Variants in VPS8 observed in about 807,000 individuals in gnomAD.
VPS8 encodes VPS8 subunit of CORVET complex.
VPS8 carries 129 observed loss-of-function variants against 216.4 expected under a neutral mutation model. The ratio of observed to expected loss-of-function variants is 0.60; its 90% confidence interval spans 0.52 to 0.69. VPS8 has a LOEUF of 0.69. Among genes scored for constraint, VPS8 ranks in the 30% least tolerant of loss-of-function variants. The pLI is 0.00. For missense variants in VPS8, 1,531 were observed against 1,683.5 expected, an observed-to-expected ratio of 0.91 and a Z score of 1.59; for synonymous variants, 571 against 565.4, an observed-to-expected ratio of 1.01 and a Z score of -0.14.
intron 5 of VPS8, 171 bp downstream of exon 5, chr3:184,834,913 C>T (rs930171842): frequency 2.6e-5 from 13 of 498,894 alleles, no homozygotes; most frequent in Admixed American, 1.1e-4. Context: ...CATGGCTACA[C>T]GTCTTGACAG....
chr3:184,959,094 G>A (rs1746077492), intron 37 of VPS8, among the ~76,000 whole-genome samples: 1 of 152,150 alleles, frequency 6.6e-6, no homozygotes, highest in Non-Finnish European at 1.5e-5. Context: ...TTTACCTGTA[G>A]TACCTGGGTA....
At chr3:185,001,249 TC>T (rs1753382782) in intron 45 of VPS8, among the ~76,000 whole-genome samples, 1 of 152,126 alleles carries the variant, frequency 6.6e-6, no homozygotes. Context: ...AAGGGTTCAG[TC>T]CCACACGAAC....
At chr3:185,003,926 G>C (rs1035492513) in intron 45 of VPS8, among the ~76,000 whole-genome samples, 2 of 151,032 alleles carry the variant, frequency 1.3e-5, no homozygotes, top group Non-Finnish European at 2.9e-5. Flanking sequence ...AGACGGGGTG[G>C]CGGGGCAGAG....
intron 7 of VPS8, among the ~76,000 whole-genome samples, chr3:184,841,769 C>T (rs937533441): frequency 6.6e-6 from 1 of 152,096 alleles, no homozygotes; most frequent in Non-Finnish European, 1.5e-5. Context: ...GTTCAGTCCC[C>T]TTATTTTACA....
chr3:185,044,012 A>G (rs1404839888), intron 46 of VPS8, among the ~76,000 whole-genome samples: 1 of 152,136 alleles, frequency 6.6e-6, no homozygotes, highest in East Asian at 1.9e-4. Flanking sequence ...TAATATGATG[A>G]AACCCCGTCT....
rs71632042 is a variant in VPS8 at position 185,034,609 on chromosome 3, T to TTTGTTGTTGTTGTTG, written c.4056+10241_4056+10255dup. On this transcript the variant is annotated intron_variant, in intron 46 of 47. Coordinates refer to ENST00000625842, the MANE Select transcript of VPS8 (RefSeq NM_001009921.3). ...ATTGTCTGTTTGCTTCGTTGATAGTTTTGTTGTTGTTGTTGTTGTTGTTGT... is the reference window on the plus strand; with the variant it reads ...ATTGTCTGTTTGCTTCGTTGATAGTTTTGTTGTTGTTGTTGTTGTTGTTGTTGTTGTTGTTGTTGT... Among the ~76,000 whole-genome samples, 12 of 145,546 alleles carry TTTGTTGTTGTTGTTG rather than the reference T, an allele frequency of 8.2e-5. No homozygotes were observed. In the East Asian group the frequency reaches 2.6e-3, roughly 31 times the overall value.
chr3:184,832,810 A>C lies in VPS8; in HGVS notation c.344A>C (p.Asn115Thr). ...AGCTCAGATAGTGGTGACAGGACCA[A>C]CTTAAAAAGGTAGGTATTCATGTCA... ...VASSDSGDRT[N>T]LKRKKKLPDS... The change falls in exon 4 of 48, where the codon AAC becomes ACC. Residue 115 changes from asparagine (N) to threonine (T), a missense_variant. By Grantham distance (65) the Asn-to-Thr change is moderately conservative. Around this residue, in one of 3 missense-constraint regions of VPS8, gnomAD observed 199 missense variants for 182.2 expected, o/e 1.09. Coordinates refer to ENST00000625842, the MANE Select transcript of VPS8 (RefSeq NM_001009921.3). 6.2e-7 allele frequency: 1 copy of C among 1,608,172 alleles called. No homozygotes were observed. Among genetic ancestry groups the C allele is most frequent in the Middle Eastern group, 1.7e-4 (1 of 6,030 alleles).
At chr3:184,991,197 G>GA (rs1751853425) in intron 42 of VPS8, among the ~76,000 whole-genome samples, 1 of 151,982 alleles carries the variant, frequency 6.6e-6, no homozygotes, top group African/African-American at 2.4e-5. Context: ...AAAGCAATAG[G>GA]AAAAAAACAT....
At chr3:184,952,166 T>C (rs1744808366) in intron 36 of VPS8, among the ~76,000 whole-genome samples, 1 of 152,232 alleles carries the variant, frequency 6.6e-6, no homozygotes, top group African/African-American at 2.4e-5. Context: ...GAAAACACAC[T>C]GGCTCATCTG....
At chr3:184,820,932 C>G (rs1717446848) in intron 1 of VPS8, among the ~76,000 whole-genome samples, 1 of 152,150 alleles carries the variant, frequency 6.6e-6, no homozygotes, top group South Asian at 2.1e-4. Flanking sequence ...AGACAAAACC[C>G]CTATCATTCA....
rs1743413475 is a variant in VPS8, at chr3:184,944,956, A to G, written c.3035+4713A>G. 3.3e-5 allele frequency among the ~76,000 whole-genome samples: 5 copies of G among 152,258 alleles called. No homozygotes were observed. In the South Asian group the frequency reaches 1.0e-3, roughly 32 times the overall value. On this transcript the variant is annotated intron_variant, in intron 36 of 47. Transcript: ENST00000625842. The stretch of plus-strand genomic sequence containing the variant: ...TTAAAATACAAAATTAGGAGATTAT[A>G]TATGTTCATGAACTTTGACATATTA...
chr3:184,818,620 C>T (rs1354685216), intron 1 of VPS8, among the ~76,000 whole-genome samples: 1 of 151,176 alleles, frequency 6.6e-6, no homozygotes, highest in Non-Finnish European at 1.5e-5. Flanking sequence ...CAAAGCAAAC[C>T]ACAAAACAAA....
chr3:184,916,754 G>A (rs940060825), intron 28 of VPS8, among the ~76,000 whole-genome samples: 3 of 152,130 alleles, frequency 2.0e-5, no homozygotes, highest in African/African-American at 7.2e-5. Context: ...GAAACAAGAA[G>A]TGATGGAGGA....
intron 45 of VPS8, among the ~76,000 whole-genome samples, chr3:185,015,621 T>G (rs1755680586): frequency 1.3e-5 from 2 of 152,232 alleles, no homozygotes; most frequent in South Asian, 4.1e-4. Flanking sequence ...TGTAGTTATT[T>G]TAGGGAGAAT....
At chr3:184,909,992 C>G (rs1480919047) in intron 25 of VPS8, among the ~76,000 whole-genome samples, 1 of 152,048 alleles carries the variant, frequency 6.6e-6, no homozygotes, top group African/African-American at 2.4e-5. Flanking sequence ...CAGCTCCAGT[C>G]TCTCCTCAGG....
intron 42 of VPS8, among the ~76,000 whole-genome samples, chr3:184,990,733 A>T (rs73885632): frequency 0.052 from 7,959 of 152,252 alleles, 652 homozygotes; most frequent in African/African-American, 0.18. Context: ...GGCGTTTCTC[A>T]TACCCACCTC....
intron 34 of VPS8, among the ~76,000 whole-genome samples, chr3:184,933,708 T>C (rs1320240883): frequency 2.0e-5 from 3 of 152,176 alleles, no homozygotes; most frequent in East Asian, 1.9e-4. Context: ...TGCCCAATTT[T>C]CCCAGCAGCA....
intron 7 of VPS8, among the ~76,000 whole-genome samples, chr3:184,842,185 T>TAAAA (rs1209831481): frequency 4.0e-5 from 1 of 25,166 alleles, no homozygotes; most frequent in African/African-American, 4.7e-4. Context: ...AGACTCCGTC[T>TAAAA]CAAAAAAAAA....
At chr3:184,952,114 A>G (rs940998598) in intron 36 of VPS8, among the ~76,000 whole-genome samples, 3 of 152,366 alleles carry the variant, frequency 2.0e-5, no homozygotes, top group Admixed American at 6.5e-5. Flanking sequence ...AATACCAACA[A>G]TGTGGCATAA....
Sources: allele counts gnomAD v4.1 joint callset (sites outside exome capture counted in the v4.1 genomes callset), GRCh38; gene constraint gnomAD v4.1.1; regional missense constraint gnomAD v4.1.1; transcripts MANE v1.5; gene names NCBI Gene and HGNC (gene_info 2026-07-23, HGNC 2026-07-21).